STXBP5L: variants seen among roughly 807,000 people sequenced by gnomAD.
The protein encoded by STXBP5L is syntaxin-binding protein 5-like.
In STXBP5L, 65 loss-of-function variants were observed where a neutral mutation model predicts 144.5. The observed-to-expected ratio is 0.45, with a 90% CI of 0.37 to 0.55. The LOEUF is 0.55. Among genes scored for constraint, STXBP5L ranks in the 20% least tolerant of loss-of-function variants. The pLI, the probability that STXBP5L is intolerant of heterozygous loss-of-function variation, is 0.00. For synonymous variants in STXBP5L, 505 were observed against 469.6 expected (o/e 1.08, Z -0.97); for missense variants, 1,298 against 1,405.5 (o/e 0.92, Z 1.22).
chr3:120,977,688 G>T (rs553046194), intron 3 of STXBP5L, among the ~76,000 whole-genome samples: 38 of 152,138 alleles, frequency 2.5e-4, no homozygotes, highest in Admixed American at 6.5e-4. Context: ...GGTACCAGTT[G>T]TTTCTTTCCA....
chr3:120,914,996 A>T, intron 2 of STXBP5L, among the ~76,000 whole-genome samples: 1 of 152,124 alleles, frequency 6.6e-6, no homozygotes, highest in Non-Finnish European at 1.5e-5. Context: ...GATGTGTAGA[A>T]GTACGTTTGT....
rs191669655 is a variant in STXBP5L at position 121,090,309 on chromosome 3, G to A, written c.471-24616G>A. 3.1e-4 allele frequency among the ~76,000 whole-genome samples: 47 copies of A among 152,212 alleles called. 2 individuals carry two copies. The East Asian group carries it at 8.3e-3, about 27-fold the overall frequency. ...TAAACTCACTGACATCTTAGATAGG[G>A]AGAGACACCTTGTAGCTGCTGGGTG... On this transcript the variant is annotated intron_variant, in intron 5 of 26. Coordinates refer to ENST00000471454, the MANE Select transcript of STXBP5L (RefSeq NM_001308330.2).
At chr3:121,204,102 G>C (rs1416618316) in intron 9 of STXBP5L, among the ~76,000 whole-genome samples, 2 of 152,136 alleles carry the variant, frequency 1.3e-5, no homozygotes, top group African/African-American at 4.8e-5. Context: ...AGCCGGGCAT[G>C]GTGGCACACA....
At chr3:121,034,671 CT>C (rs1444100314) in intron 3 of STXBP5L, among the ~76,000 whole-genome samples, 6 of 152,078 alleles carry the variant, frequency 3.9e-5, no homozygotes, top group African/African-American at 1.4e-4. Context: ...GCGAATAGTG[CT>C]GCAATAAACT....
chr3:120,976,753 C>T (rs1202038185), intron 3 of STXBP5L, among the ~76,000 whole-genome samples: 1 of 152,156 alleles, frequency 6.6e-6, no homozygotes, highest in Non-Finnish European at 1.5e-5. Context: ...TGTCTTTGTT[C>T]TCACTGGTTT....
At position 120,988,463 on chromosome 3, in the gene STXBP5L, ACT is replaced by A. The variant is rs1942513932; in HGVS notation, c.287+33429_287+33430del. 2.0e-5 allele frequency among the ~76,000 whole-genome samples: 3 copies of A among 151,754 alleles called. No homozygotes were observed. In the South Asian group the frequency reaches 6.2e-4, roughly 32 times the overall value. On this transcript the variant is annotated intron_variant, in intron 3 of 26. Coordinates refer to ENST00000471454, the MANE Select transcript of STXBP5L (RefSeq NM_001308330.2). Reference sequence around the variant, plus strand: ...TAATTCCATTGTGTTAAGAAAAAACACTCTGCTTCACCTCAATTGTTTTAAAT... The same window carrying A: ...TAATTCCATTGTGTTAAGAAAAAACACTGCTTCACCTCAATTGTTTTAAAT...
intron 3 of STXBP5L, among the ~76,000 whole-genome samples, chr3:121,027,629 C>T (rs543145034): frequency 9.2e-5 from 14 of 152,150 alleles, no homozygotes; most frequent in Admixed American, 6.6e-5. Flanking sequence ...ACACTAACTC[C>T]CTGTGTCTTT....
chr3:121,107,455 C>G (rs1401804897), intron 5 of STXBP5L, among the ~76,000 whole-genome samples: 3 of 152,090 alleles, frequency 2.0e-5, no homozygotes, highest in African/African-American at 7.2e-5. Context: ...TCTCCCAGTG[C>G]CATATATTAA....
intron 3 of STXBP5L, among the ~76,000 whole-genome samples, chr3:121,031,012 A>C (rs893002966): frequency 2.7e-4 from 41 of 152,064 alleles, no homozygotes; most frequent in African/African-American, 9.4e-4. Flanking sequence ...ATGTATTGAC[A>C]CTCTTAAAAC....
At chr3:120,981,299 A>G (rs1941746826) in intron 3 of STXBP5L, among the ~76,000 whole-genome samples, 1 of 152,116 alleles carries the variant, frequency 6.6e-6, no homozygotes, top group Non-Finnish European at 1.5e-5. Flanking sequence ...AATTTTTTTA[A>G]TACTTTTTAC....
chr3:121,171,523 A>G (rs1316025034), intron 9 of STXBP5L, among the ~76,000 whole-genome samples: 3 of 152,224 alleles, frequency 2.0e-5, no homozygotes, highest in African/African-American at 7.2e-5. Context: ...AGAATACAAA[A>G]TCAATGTGCT....
intron 5 of STXBP5L, among the ~76,000 whole-genome samples, chr3:121,051,655 C>G (rs1948005860): frequency 6.6e-6 from 1 of 151,824 alleles, no homozygotes; most frequent in Admixed American, 6.6e-5. Flanking sequence ...AAATTCACAC[C>G]CTAACATCAA....
chr3:121,302,247 C>T (rs2051945925), intron 19 of STXBP5L, among the ~76,000 whole-genome samples: 2 of 152,088 alleles, frequency 1.3e-5, no homozygotes, highest in African/African-American at 2.4e-5. Flanking sequence ...TTCAGAGATT[C>T]AACTTCTTCC....
At chr3:121,200,540 T>G (rs1349758093) in intron 9 of STXBP5L, among the ~76,000 whole-genome samples, 1 of 152,204 alleles carries the variant, frequency 6.6e-6, no homozygotes, top group Non-Finnish European at 1.5e-5. Flanking sequence ...TTGTTTGCTC[T>G]TTCTTCTCTA....
intron 5 of STXBP5L, among the ~76,000 whole-genome samples, chr3:121,094,341 C>G (rs2042996389): frequency 6.6e-6 from 1 of 152,094 alleles, no homozygotes; most frequent in Non-Finnish European, 1.5e-5. Context: ...GACTTTCTGT[C>G]TCGTTGATCT....
chr3:121,143,204 A>G (rs1378708308), intron 7 of STXBP5L, among the ~76,000 whole-genome samples: 1 of 151,674 alleles, frequency 6.6e-6, no homozygotes, highest in Non-Finnish European at 1.5e-5. Context: ...TGAATTAGTA[A>G]TGAAAAACCT....
chr3:121,053,860 A>G (rs1049399818), intron 5 of STXBP5L, among the ~76,000 whole-genome samples: 1 of 152,212 alleles, frequency 6.6e-6, no homozygotes, highest in South Asian at 2.1e-4. Context: ...GCTAATATCC[A>G]GAATCTACAA....
intron 17 of STXBP5L, among the ~76,000 whole-genome samples, chr3:121,258,332 C>T (rs2050275060): frequency 6.6e-6 from 1 of 152,154 alleles, no homozygotes; most frequent in South Asian, 2.1e-4. Context: ...AGCTAGTTTT[C>T]TCATTTCTTA....
intron 19 of STXBP5L, among the ~76,000 whole-genome samples, chr3:121,298,200 T>G (rs1261475340): frequency 6.6e-6 from 1 of 152,232 alleles, no homozygotes; most frequent in Non-Finnish European, 1.5e-5. Flanking sequence ...CTAACAGGTA[T>G]GAGGTGATAT....
Sources: allele counts gnomAD v4.1 joint callset (sites outside exome capture counted in the v4.1 genomes callset), GRCh38; gene constraint gnomAD v4.1.1; transcripts MANE v1.5; gene names NCBI Gene and HGNC (gene_info 2026-07-23, HGNC 2026-07-21).